The following ZNF622 variants were observed in gnomAD, a reference collection of about 807,000 sequenced individuals.
ZNF622 encodes cytoplasmic 60S subunit biogenesis factor ZNF622.
A neutral mutation model predicts 49.7 loss-of-function variants in ZNF622; 34 were observed. The ratio of observed to expected loss-of-function variants is 0.68; its 90% CI spans 0.52 to 0.91. The LOEUF (loss-of-function observed/expected upper bound fraction) is 0.91. Among genes scored for constraint, ZNF622 ranks in the 40% least tolerant of loss-of-function variants. ZNF622 has a pLI of 0.00. For synonymous variants in ZNF622, 209 were observed against 228.7 expected (o/e 0.91, Z 0.78); for missense variants, 569 against 616.4 (o/e 0.92, Z 0.81).
In ZNF622 at chr5:16,463,542, T is replaced by C; in HGVS notation, c.826A>G (p.Ser276Gly). The C allele has an allele frequency of 6.2e-7, 1 of 1,614,166 alleles. No homozygotes were observed. Among genetic ancestry groups the C allele is most frequent in the South Asian group, 1.1e-5 (1 of 91,082 alleles). ...TATTCTATATCAGGAATAAAGAAAC[T>C]GTGGTCTTTGGTCATGTGAGCCACA... Reference protein sequence around the residue: ...KNVAHMTKDHSFFIPDIEYLS... With the variant: ...KNVAHMTKDHGFFIPDIEYLS... The change falls in exon 2 of 6, where the codon AGT (serine) becomes GGT (glycine). Residue 276 changes from serine to glycine, a missense_variant. Physicochemically the swap from Ser to Gly is moderately conservative, Grantham distance 56. Coordinates refer to ENST00000308683, the MANE Select transcript of ZNF622 (RefSeq NM_033414.3). The surrounding 1 kb of genome is among the most constrained non-coding windows in gnomAD (Gnocchi z 4.2).
Position 16,451,769 on chromosome 5 carries a change from C to T in ZNF622, c.1322G>A (p.Arg441Gln), listed in dbSNP as rs1252103709. The change falls in exon 6 of 6, where the codon CGA becomes CAA. Residue 441 changes from arginine to glutamine, a missense_variant. Arg to Gln is a conservative substitution (Grantham distance 43, BLOSUM62 1). Transcript: ENST00000308683. ...TTGGACATACTGCATGTCTCGCTCT[C>T]GCATAAGAGCCGCTCCTATGATTGG... The part of the protein sequence containing the change: ...WTGSTGAALM[R>Q]ERDMQYVQRM... 6.8e-6 allele frequency: 11 copies of T among 1,613,364 alleles called. No homozygotes were observed. The highest frequency in any genetic ancestry group is 4.5e-5 in the East Asian group (2 of 44,848).
intron 1 of ZNF622, among the ~76,000 whole-genome samples, chr5:16,464,471 T>C (rs1043104655): frequency 1.3e-5 from 2 of 152,208 alleles, no homozygotes; most frequent in African/African-American, 2.4e-5. Context: ...CAGTCTCTAG[T>C]ACTTCCTTAT....
At position 16,465,489 on chromosome 5, in the gene ZNF622, C is replaced by T. The variant is rs561049803; in HGVS notation, c.177G>A (p.Glu59=). 5 of 1,614,232 alleles carry T rather than the reference C, an allele frequency of 3.1e-6. No homozygotes were observed. In the South Asian group the frequency reaches 4.4e-5, roughly 14 times the overall value. The change falls in exon 1 of 6, where the codon GAG becomes GAA. Residue 59 remains glutamate (E), a synonymous_variant. Transcript: ENST00000308683. This position sits in a 1 kb window ranked among gnomAD's most constrained non-coding sequence, Gnocchi z 6.2. ...AGGTGGCCGAGCCCTTGCTCTCCTC[C>T]TCCGCGACGGCCCGCTGCGCCCGCA... ...ERVRAQRAVA[E]EESKGSATYC...
chr5:16,464,001 C>G (rs1255360427), intron 1 of ZNF622, among the ~76,000 whole-genome samples: 1 of 152,210 alleles, frequency 6.6e-6, no homozygotes, highest in Admixed American at 6.5e-5. Context: ...CCTTACAGCA[C>G]CTAGCCCAGT....
rs1421882803 is a variant in ZNF622 at position 16,458,536 on chromosome 5, C to T, written c.1143G>A (p.Met381Ile). The T allele has an allele frequency of 3.1e-6, 5 of 1,613,356 alleles. No homozygotes were observed. The Admixed American group carries it at 5.0e-5, about 16-fold the overall frequency. The change falls in exon 4 of 6, where the codon ATG (methionine) becomes ATA (isoleucine). Residue 381 changes from methionine (M) to isoleucine (I), a missense_variant. Met to Ile is a conservative substitution (Grantham distance 10). Transcript: ENST00000308683. ...EKNLEYDDET[M>I]ELILPSGARV... ...ACTTACCAGAAGGCAGAATCAATTC[C>T]ATGGTTTCATCATCATATTCCAAGT...
chr5:16,463,851 C>T lies in ZNF622; in HGVS notation c.626-109G>A, dbSNP rs944506923. 64 of 1,167,800 alleles carry T rather than the reference C, an allele frequency of 5.5e-5. No individual in the cohort carries two copies. The African/African-American group carries it at 8.3e-4, about 15-fold the overall frequency. 72.3% of individuals were successfully genotyped at this position (1,167,800 alleles called of 1,614,324 possible). ...TCCTATATTTGGAGAAACAGCCACACCCCAACTCCCAAGGACAACTCCTCT... is the reference window on the plus strand; with the variant it reads ...TCCTATATTTGGAGAAACAGCCACATCCCAACTCCCAAGGACAACTCCTCT... On this transcript the variant is annotated intron_variant, in intron 1 of 5. Coordinates refer to ENST00000308683, the MANE Select transcript of ZNF622 (RefSeq NM_033414.3). The surrounding 1 kb of genome is among the most constrained non-coding windows in gnomAD (Gnocchi z 4.2).
rs113225051 is a variant in ZNF622, at chr5:16,463,402, T to C, written c.886+80A>G. The stretch of plus-strand genomic sequence containing the variant: ...AATTATATCAAAGATTGATGAAAAA[T>C]GCAAAACTAATGTTCCCTTGAGACC... On this transcript the variant is annotated intron_variant, in intron 2 of 5. Coordinates refer to ENST00000308683, the MANE Select transcript of ZNF622 (RefSeq NM_033414.3). This position sits in a 1 kb window ranked among gnomAD's most constrained non-coding sequence, Gnocchi z 4.2. 1.3e-4 allele frequency: 197 copies of C among 1,513,664 alleles called. No individual in the cohort carries two copies. In the African/African-American group the frequency reaches 2.2e-3, roughly 17 times the overall value. The allele number at this position is 1,513,664 out of a possible 1,614,324, so 93.8% of individuals were successfully genotyped here.
At chr5:16,455,491 T>C (rs988564877) in intron 4 of ZNF622, among the ~76,000 whole-genome samples, 2 of 152,336 alleles carry the variant, frequency 1.3e-5, no homozygotes, top group Non-Finnish European at 1.5e-5. Flanking sequence ...CTTTGGATAC[T>C]AGTGTGGATA....
At chr5:16,452,131 T>G (rs1737944727) in intron 5 of ZNF622, among the ~76,000 whole-genome samples, 1 of 152,116 alleles carries the variant, frequency 6.6e-6, no homozygotes, top group Non-Finnish European at 1.5e-5. Context: ...TAAGATGAAG[T>G]CAAGTCTCTG....
Position 16,463,680 on chromosome 5 carries a change from C to T in ZNF622, c.688G>A (p.Val230Met). The T allele has an allele frequency of 6.2e-7, 1 of 1,614,252 alleles. No homozygotes were observed. Among genetic ancestry groups the T allele is most frequent in the Non-Finnish European group, 8.5e-7 (1 of 1,180,044 alleles). Reference sequence around the variant, plus strand: ...TCCTCCTCTGCATCCTGCTCCACCACATCGTCCATTGCTTCAGTATCCTCA... The same window carrying T: ...TCCTCCTCTGCATCCTGCTCCACCATATCGTCCATTGCTTCAGTATCCTCA... ...ECEDTEAMDD[V>M]VEQDAEEEEA... Residue 230 changes from valine to methionine, a missense_variant, in exon 2 of 6, where the codon GTG (valine) becomes ATG (methionine). Val to Met is a conservative substitution (Grantham distance 21, BLOSUM62 1). Transcript: ENST00000308683. This position sits in a 1 kb window ranked among gnomAD's most constrained non-coding sequence, Gnocchi z 4.2.
chr5:16,465,075 G>A lies in ZNF622; in HGVS notation c.591C>T (p.Asp197=). ...CCAGGTCCTCTTCCTCCTCCTCGCT[G>A]TCCTCCTCCTGCTGCTTTGCCAACT... ...AKKLAKQQEE[D]SEEEEEDLDG... is the part of the protein sequence containing the mutation. Residue 197 remains aspartate (D), a synonymous_variant, in exon 1 of 6, where the codon GAC becomes GAT. Coordinates refer to ENST00000308683, the MANE Select transcript of ZNF622 (RefSeq NM_033414.3). The surrounding 1 kb of genome is among the most constrained non-coding windows in gnomAD (Gnocchi z 6.2). 6.2e-7 allele frequency: 1 copy of A among 1,607,476 alleles called. No homozygotes were observed. The highest frequency in any genetic ancestry group is 8.5e-7 in the Non-Finnish European group (1 of 1,176,038).
chr5:16,463,731 T>C lies in ZNF622; in HGVS notation c.637A>G (p.Ile213Val), dbSNP rs1029970282. 5.6e-6 allele frequency: 9 copies of C among 1,611,912 alleles called. No homozygotes were observed. The highest frequency in any genetic ancestry group is 3.3e-5 in the Admixed American group (2 of 59,756). ...CATTCCAATTCTTCATCAGAATCAA[T>C]ATCTTCCCAATCTGCAAGCCAGAAT... is the stretch of plus-strand genomic sequence containing the variant. ...EDLDGDDWED[I>V]DSDEELECED... The change falls in exon 2 of 6, where the codon ATT (isoleucine) becomes GTT (valine). Residue 213 changes from isoleucine (I) to valine (V), a missense_variant. Physicochemically the swap from Ile to Val is conservative, Grantham distance 29 (BLOSUM62 3). Transcript: ENST00000308683. The surrounding 1 kb of genome is among the most constrained non-coding windows in gnomAD (Gnocchi z 4.2).
In ZNF622 at chr5:16,465,681, A is replaced by G; in HGVS notation, c.-16T>C. On this transcript the variant is annotated 5_prime_UTR_variant, in exon 1 of 6. Coordinates refer to ENST00000308683, the MANE Select transcript of ZNF622 (RefSeq NM_033414.3). This position sits in a 1 kb window ranked among gnomAD's most constrained non-coding sequence, Gnocchi z 6.2. The stretch of plus-strand genomic sequence containing the variant: ...ACGTCGCCATTGCCAGGCGAGAAAT[A>G]AGAACCGACCAAGCCAAACACCTGG... The G allele has an allele frequency of 6.4e-7, 1 of 1,551,772 alleles. No homozygotes were observed. The highest frequency in any genetic ancestry group is 8.7e-7 in the Non-Finnish European group (1 of 1,150,384).
intron 4 of ZNF622, among the ~76,000 whole-genome samples, chr5:16,457,353 A>G (rs1738042931): frequency 6.6e-6 from 1 of 152,238 alleles, no homozygotes; most frequent in African/African-American, 2.4e-5. Context: ...GTTCTGGAAA[A>G]TAAGTTATTA....
At chr5:16,452,286 C>G (rs1737947016) in intron 5 of ZNF622, among the ~76,000 whole-genome samples, 1 of 152,134 alleles carries the variant, frequency 6.6e-6, no homozygotes, top group South Asian at 2.1e-4. Flanking sequence ...CTCCACAGTC[C>G]TCAGTTGGAT....
In ZNF622 at chr5:16,453,065, G is replaced by A. The variant is rs759812549; in HGVS notation, c.1254C>T (p.Ala418=). 12 of 1,585,786 alleles carry A rather than the reference G, an allele frequency of 7.6e-6. No homozygotes were observed. Among genetic ancestry groups the A allele is most frequent in the Non-Finnish European group, 1.0e-5 (12 of 1,163,216 alleles). ...TGTACTGCTGAAGTACTCGGCCCACGGCCTTCCGATTTTTGGCAACTGCCA... is the reference window on the plus strand; with the variant it reads ...TGTACTGCTGAAGTACTCGGCCCACAGCCTTCCGATTTTTGGCAACTGCCA... ...RAVAVAKNRK[A]VGRVLQQYRA... is the part of the protein sequence containing the mutation. Residue 418 remains alanine (A), a synonymous_variant, in exon 5 of 6, where the codon GCC becomes GCT. Coordinates refer to ENST00000308683, the MANE Select transcript of ZNF622 (RefSeq NM_033414.3).
rs955896806 is a variant in ZNF622 at position 16,465,800 on chromosome 5, T to A, written c.-135A>T. ...GACACGCCGACTTCCTGATTGTCAC[T>A]GAGGAAACTTCCGGCACACGTCGGA... On this transcript the variant is annotated 5_prime_UTR_variant, in exon 1 of 6. Transcript: ENST00000308683. The surrounding 1 kb of genome is among the most constrained non-coding windows in gnomAD (Gnocchi z 6.2). The A allele has an allele frequency of 1.8e-5, 22 of 1,211,154 alleles. No individual in the cohort carries two copies. The highest frequency in any genetic ancestry group is 2.3e-5 in the Non-Finnish European group (20 of 880,856). 75.0% of individuals were successfully genotyped at this position (1,211,154 alleles called of 1,614,324 possible).
intron 4 of ZNF622, among the ~76,000 whole-genome samples, chr5:16,453,559 T>TTTTATA (rs71605534): frequency 2.4e-4 from 16 of 67,154 alleles, no homozygotes; most frequent in Non-Finnish European, 3.9e-4. Flanking sequence ...TAAATAAAAA[T>TTTTATA]TATATATATA....
chr5:16,452,869 G>A, intron 5 of ZNF622, 144 bp downstream of exon 5: 1 of 793,874 alleles, frequency 1.3e-6, no homozygotes, highest in East Asian at 3.3e-5. Flanking sequence ...CATATCAAGT[G>A]GTAATGGAAG....
Sources: allele counts gnomAD v4.1 joint callset (sites outside exome capture counted in the v4.1 genomes callset), GRCh38; gene constraint gnomAD v4.1.1; non-coding constraint Gnocchi (gnomAD v3.1); transcripts MANE v1.5; gene names NCBI Gene and HGNC (gene_info 2026-07-23, HGNC 2026-07-21).